C1orf21: variants seen among roughly 807,000 people sequenced by gnomAD.
The protein encoded by C1orf21 is uncharacterized protein C1orf21.
In C1orf21, 3 loss-of-function variants were observed where a neutral mutation model predicts 18.7. That is an observed-to-expected ratio of 0.16 (90% confidence interval 0.07 to 0.42). The LOEUF (loss-of-function observed/expected upper bound fraction) is 0.42. Among genes scored for constraint, C1orf21 ranks in the 10% least tolerant of loss-of-function variants. C1orf21 has a pLI of 0.99. For synonymous variants in C1orf21, 41 were observed against 46.4 expected (o/e 0.88, Z 0.47); for missense variants, 104 against 143.6 (o/e 0.72, Z 1.41).
At chr1:184,466,406 T>C (rs937427120) in intron 1 of C1orf21, among the ~76,000 whole-genome samples, 1 of 152,224 alleles carries the variant, frequency 6.6e-6, no homozygotes, top group African/African-American at 2.4e-5. Flanking sequence ...TGACTTTGCA[T>C]TGCCCTCCTG....
At chr1:184,419,923 G>C (rs1315963933) in intron 1 of C1orf21, among the ~76,000 whole-genome samples, 1 of 152,212 alleles carries the variant, frequency 6.6e-6, no homozygotes, top group African/African-American at 2.4e-5. Flanking sequence ...TTTTTACTCA[G>C]AGGGAAGGTG....
intron 1 of C1orf21, among the ~76,000 whole-genome samples, chr1:184,453,826 T>G (rs1202744159): frequency 4.6e-5 from 7 of 152,238 alleles, no homozygotes; most frequent in Admixed American, 4.6e-4. Flanking sequence ...ATGAAGCTAC[T>G]GTCCCTACTT....
chr1:184,421,107 T>A (rs1656540566), intron 1 of C1orf21, among the ~76,000 whole-genome samples: 2 of 152,190 alleles, frequency 1.3e-5, no homozygotes, highest in African/African-American at 4.8e-5. Flanking sequence ...GACCCAAGAT[T>A]ACACTTCTGC....
intron 1 of C1orf21, among the ~76,000 whole-genome samples, chr1:184,420,793 A>G (rs1455354667): frequency 6.6e-6 from 1 of 152,150 alleles, no homozygotes; most frequent in African/African-American, 2.4e-5. Context: ...AATTTTCTAA[A>G]TATTTTTAAG....
At chr1:184,611,827 C>G (rs1571301621) in intron 5 of C1orf21, among the ~76,000 whole-genome samples, 1 of 152,024 alleles carries the variant, frequency 6.6e-6, no homozygotes, top group East Asian at 1.9e-4. Context: ...AACTGAGACT[C>G]AGGATATAAT....
At chr1:184,491,439 T>A (rs1489864604) in intron 2 of C1orf21, among the ~76,000 whole-genome samples, 1 of 151,724 alleles carries the variant, frequency 6.6e-6, no homozygotes, top group Non-Finnish European at 1.5e-5. Flanking sequence ...AGCCTCAACC[T>A]CCCAAGCTCA....
intron 5 of C1orf21, among the ~76,000 whole-genome samples, chr1:184,599,989 C>G (rs879822782): frequency 3.9e-5 from 6 of 152,158 alleles, no homozygotes; most frequent in Admixed American, 3.9e-4. Flanking sequence ...CCCACTGAAA[C>G]GATGAAGATC....
intron 1 of C1orf21, among the ~76,000 whole-genome samples, chr1:184,432,894 T>C (rs1283904922): frequency 6.6e-6 from 1 of 152,228 alleles, no homozygotes; most frequent in Non-Finnish European, 1.5e-5. Context: ...GTTTTCTTTA[T>C]TGTATTTGAT....
At chr1:184,428,815 C>G (rs1656685910) in intron 1 of C1orf21, among the ~76,000 whole-genome samples, 1 of 152,108 alleles carries the variant, frequency 6.6e-6, no homozygotes, top group Admixed American at 6.6e-5. Flanking sequence ...TGGGTCTGAG[C>G]TGAACCTGGG....
chr1:184,585,087 G>A (rs1659334584), intron 3 of C1orf21, among the ~76,000 whole-genome samples: 1 of 152,174 alleles, frequency 6.6e-6, no homozygotes, highest in African/African-American at 2.4e-5. Flanking sequence ...CCATAAGGCT[G>A]TTAAATATTT....
chr1:184,603,363 A>G (rs1659609279), intron 5 of C1orf21, among the ~76,000 whole-genome samples: 1 of 152,264 alleles, frequency 6.6e-6, no homozygotes, highest in Non-Finnish European at 1.5e-5. Context: ...AGGGAGAGCC[A>G]TGAGCATGCC....
rs1403233532 is a variant in C1orf21, at chr1:184,419,368, T to C, written c.-125+32000T>C. 2.6e-5 allele frequency among the ~76,000 whole-genome samples: 4 copies of C among 152,314 alleles called. No homozygotes were observed. The East Asian group carries it at 7.7e-4, about 29-fold the overall frequency. Reference sequence around the variant, plus strand: ...ACTCAGTTTCTTGGGTTGGTTTTTGTGGGGAAGATAACCCATTACCAGTTT... The same window carrying C: ...ACTCAGTTTCTTGGGTTGGTTTTTGCGGGGAAGATAACCCATTACCAGTTT... On this transcript the variant is annotated intron_variant, in intron 1 of 5. Coordinates refer to ENST00000235307, the MANE Select transcript of C1orf21 (RefSeq NM_030806.4).
At chr1:184,598,269 G>C (rs1442197292) in intron 4 of C1orf21, 132 bp from the exon 5 acceptor site, 2 of 710,066 alleles carry the variant, frequency 2.8e-6, no homozygotes, top group Admixed American at 6.0e-5. Flanking sequence ...TGTAACTTCA[G>C]AGTATTTCAG....
chr1:184,495,588 C>T (rs1334396342), intron 2 of C1orf21, among the ~76,000 whole-genome samples: 1 of 152,072 alleles, frequency 6.6e-6, no homozygotes, highest in East Asian at 1.9e-4. Context: ...CATCAAATAG[C>T]ATCAATATTC....
chr1:184,553,181 G>T (rs746381349), intron 3 of C1orf21, among the ~76,000 whole-genome samples: 86 of 151,884 alleles, frequency 5.7e-4, no homozygotes, highest in East Asian at 1.9e-3. Flanking sequence ...TATTTTTTTT[G>T]ATTTTAGAAT....
In C1orf21 at chr1:184,627,109, A is replaced by G. The variant is rs1660025941; in HGVS notation, c.*7553A>G. On this transcript the variant is annotated 3_prime_UTR_variant, in exon 6 of 6. Transcript: ENST00000235307. ...ACAGACAAATTGTATGCAAGTGGAA[A>G]ATACCCATAGGCCTAGACAGCTGTG... 1 of 152,560 alleles carries G rather than the reference A, an allele frequency of 6.6e-6. No individual in the cohort carries two copies. The highest frequency in any genetic ancestry group is 6.5e-5 in the Admixed American group (1 of 15,272). 9.5% of individuals were successfully genotyped at this position (152,560 alleles called of 1,614,324 possible).
intron 1 of C1orf21, among the ~76,000 whole-genome samples, chr1:184,454,759 G>C (rs1657172963): frequency 6.6e-6 from 1 of 152,080 alleles, no homozygotes; most frequent in African/African-American, 2.4e-5. Flanking sequence ...TCCCTAGAAG[G>C]TGGGCATGTG....
intron 1 of C1orf21, among the ~76,000 whole-genome samples, chr1:184,414,209 G>A (rs573984598): frequency 2.0e-5 from 3 of 152,178 alleles, no homozygotes; most frequent in South Asian, 2.1e-4. Context: ...ATGGCTCACC[G>A]TGGCCTCGAC....
intron 1 of C1orf21, among the ~76,000 whole-genome samples, chr1:184,465,571 G>A (rs1028468546): frequency 1.3e-5 from 2 of 152,066 alleles, no homozygotes; most frequent in African/African-American, 4.8e-5. Context: ...CTGTTCCTGG[G>A]GTGGTAATGG....
Sources: allele counts gnomAD v4.1 joint callset (sites outside exome capture counted in the v4.1 genomes callset), GRCh38; gene constraint gnomAD v4.1.1; transcripts MANE v1.5; gene names NCBI Gene and HGNC (gene_info 2026-07-23, HGNC 2026-07-21).